The following ZNF121 variants were observed in gnomAD, a reference collection of about 807,000 sequenced individuals.
ZNF121 encodes the protein zinc finger protein 121, also known as zinc finger protein 121 (clone ZHC32).
Under a neutral mutation model 2.4 loss-of-function variants are expected in ZNF121, and 1 was observed. That is an observed-to-expected ratio of 0.41 (90% confidence interval 0.15 to 1.94). ZNF121 has a LOEUF of 1.94. ZNF121 is among the 30% of genes most tolerant of loss of function. ZNF121 has a pLI of 0.30. For synonymous variants in ZNF121, 173 were observed against 158.6 expected (o/e 1.09, Z -0.68); for missense variants, 369 against 466.3 (o/e 0.79, Z 1.92).
intron 1 of ZNF121, among the ~76,000 whole-genome samples, chr19:9,583,275 G>C (rs889409996): frequency 1.9e-5 from 2 of 106,000 alleles, no homozygotes; most frequent in Non-Finnish European, 3.5e-5. Context: ...GAAGCTCTGT[G>C]GGGGGGTACA....
chr19:9,566,948 G>A lies in ZNF121; in HGVS notation c.165C>T (p.Ala55=). The change falls in exon 4 of 4, where the codon GCC becomes GCT. Residue 55 remains alanine (A), a synonymous_variant. Coordinates refer to ENST00000320451, the MANE Select transcript of ZNF121 (RefSeq NM_001008727.5). Reference sequence around the variant, plus strand: ...ACACAGAAAGTGTCTCTCCAGCAGGGGCACTGTTGTGTAACATGGGAAAGT... The same window carrying A: ...ACACAGAAAGTGTCTCTCCAGCAGGAGCACTGTTGTGTAACATGGGAAAGT... The part of the protein sequence containing the change: ...GENFPMLHNS[A]PAGETLSVLN... 6.2e-7 allele frequency: 1 copy of A among 1,614,164 alleles called. No individual in the cohort carries two copies. The highest frequency in any genetic ancestry group is 1.1e-5 in the South Asian group (1 of 91,090).
At chr19:9,577,579 T>G (rs981348897) in intron 1 of ZNF121, among the ~76,000 whole-genome samples, 1 of 152,164 alleles carries the variant, frequency 6.6e-6, no homozygotes. Context: ...AGATATTCCA[T>G]GCTCATGGAT....
intron 3 of ZNF121, 118 bp from the exon 4 acceptor site, chr19:9,567,227 A>T: frequency 1.2e-6 from 1 of 829,610 alleles, no homozygotes; most frequent in Non-Finnish European, 1.8e-6. Context: ...CATTACATGC[A>T]TACAGTTGCT....
chr19:9,569,258 C>T (rs907588984), intron 1 of ZNF121, among the ~76,000 whole-genome samples, 176 bp from the exon 2 acceptor site: 1 of 152,016 alleles, frequency 6.6e-6, no homozygotes, highest in Admixed American at 6.6e-5. Context: ...TGACCAAATA[C>T]CCACTATTCA....
chr19:9,577,775 G>A (rs535500208), intron 1 of ZNF121, among the ~76,000 whole-genome samples: 15 of 152,216 alleles, frequency 9.9e-5, no homozygotes, highest in South Asian at 6.2e-4. Context: ...GTGGCCAGGT[G>A]CAGTGGCTCA....
rs1245940218 is a variant in ZNF121 at position 9,565,718 on chromosome 19, T to TAAAATAA, written c.*221_*222insTTATTTT. On this transcript the variant is annotated 3_prime_UTR_variant, in exon 4 of 4. Coordinates refer to ENST00000320451, the MANE Select transcript of ZNF121 (RefSeq NM_001008727.5). The stretch of plus-strand genomic sequence containing the variant: ...TAAAATAAAATAAAATAAAATAAAA[T>TAAAATAA]AATAAAAAAAGATTCCATTGGCTCC... The TAAAATAA allele has an allele frequency of 4.6e-6, 1 of 218,830 alleles. No homozygotes were observed. Among genetic ancestry groups the TAAAATAA allele is most frequent in the Admixed American group, 6.1e-5 (1 of 16,464 alleles). 13.6% of individuals were successfully genotyped at this position (218,830 alleles called of 1,614,324 possible).
Position 9,566,879 on chromosome 19 carries a change from G to C in ZNF121, c.234C>G (p.His78Gln), listed in dbSNP as rs561870368. Residue 78 changes from histidine to glutamine, a missense_variant, in exon 4 of 4, where the codon CAC becomes CAG. Around this residue, in one of 4 missense-constraint regions of ZNF121, gnomAD observed 168 missense variants for 162.3 expected, o/e 1.03. Transcript: ENST00000320451. ...ATTTGTCTCCTATCCACGTTCTCTG[G>C]TGAACATTTGGTGGCAGGCTGAAGG... is the stretch of plus-strand genomic sequence containing the variant. ...RKAFSLPPNV[H>Q]QRTWIGDKSF... 1.9e-6 allele frequency: 3 copies of C among 1,614,054 alleles called. No individual in the cohort carries two copies. Among genetic ancestry groups the C allele is most frequent in the Non-Finnish European group, 2.5e-6 (3 of 1,180,034 alleles).
rs1018038748 is a variant in ZNF121 at position 9,563,288 on chromosome 19, G to A, written c.*2652C>T. The A allele has an allele frequency of 3.4e-4, 52 of 152,168 alleles. 2 individuals are homozygous for A. The highest frequency in any genetic ancestry group is 2.6e-4 in the Non-Finnish European group (18 of 68,052). The allele number at this position is 152,168 out of a possible 1,614,324, so 9.4% of individuals were successfully genotyped here. A position where few individuals can be genotyped will look rare whatever the true frequency, so the allele number is the denominator to read the frequency against. On this transcript the variant is annotated 3_prime_UTR_variant, in exon 4 of 4. Coordinates refer to ENST00000320451, the MANE Select transcript of ZNF121 (RefSeq NM_001008727.5). ...TAAGCCAAAACCTAATCCAGAGCAA[G>A]GCCCTAACTCTAATTCTATGAAGGC... is the stretch of plus-strand genomic sequence containing the variant.
intron 1 of ZNF121, among the ~76,000 whole-genome samples, chr19:9,579,616 C>T (rs1599742852): frequency 6.6e-6 from 1 of 152,020 alleles, no homozygotes; most frequent in Non-Finnish European, 1.5e-5. Flanking sequence ...TACAGTGAGC[C>T]GAGATCATGC....
At position 9,561,594 on chromosome 19, in the gene ZNF121, A is replaced by G. The variant is rs191406181; in HGVS notation, c.*4346T>C. Reference sequence around the variant, plus strand: ...GTAGAAGAAACTATGGAATTAGAAAATCACTTTTTGGACTGGGTGTGGTGG... The same window carrying G: ...GTAGAAGAAACTATGGAATTAGAAAGTCACTTTTTGGACTGGGTGTGGTGG... On this transcript the variant is annotated 3_prime_UTR_variant, in exon 4 of 4. Coordinates refer to ENST00000320451, the MANE Select transcript of ZNF121 (RefSeq NM_001008727.5). 1.1e-4 allele frequency: 17 copies of G among 152,310 alleles called. No individual in the cohort carries two copies. The highest frequency in any genetic ancestry group is 1.1e-3 in the Admixed American group (17 of 15,296). 9.4% of individuals were successfully genotyped at this position (152,310 alleles called of 1,614,324 possible).
intron 1 of ZNF121, among the ~76,000 whole-genome samples, chr19:9,572,271 C>T (rs769142980): frequency 2.6e-5 from 4 of 152,126 alleles, no homozygotes; most frequent in African/African-American, 4.8e-5. Context: ...CCAAGGGAGA[C>T]GTTAAGAGAA....
Position 9,560,945 on chromosome 19 carries a change from T to C in ZNF121, c.*4995A>G, listed in dbSNP as rs977983949. 6.6e-6 allele frequency: 1 copy of C among 152,224 alleles called. No homozygotes were observed. The highest frequency in any genetic ancestry group is 1.5e-5 in the Non-Finnish European group (1 of 68,036). 9.4% of individuals were successfully genotyped at this position (152,224 alleles called of 1,614,324 possible). A position where few individuals can be genotyped will look rare whatever the true frequency, so the allele number is the denominator to read the frequency against. On this transcript the variant is annotated 3_prime_UTR_variant, in exon 4 of 4. Transcript: ENST00000320451. ...AAACTGAATTCTGGTTAGTTGATTT[T>C]TAAAAAGAGTGGTATGAGTTATCAA...
At position 9,564,369 on chromosome 19, in the gene ZNF121, C is replaced by G. The variant is rs2074116963; in HGVS notation, c.*1571G>C. 6.6e-6 allele frequency: 1 copy of G among 151,950 alleles called. No individual in the cohort carries two copies. Among genetic ancestry groups the G allele is most frequent in the African/African-American group, 2.4e-5 (1 of 41,350 alleles). The allele number at this position is 151,950 out of a possible 1,614,324, so 9.4% of individuals were successfully genotyped here. ...CTCCAGCATGAACAACACAGCGAGA[C>G]CTTGTCTCTAAAAAAAATTTTTTTA... On this transcript the variant is annotated 3_prime_UTR_variant, in exon 4 of 4. Coordinates refer to ENST00000320451, the MANE Select transcript of ZNF121 (RefSeq NM_001008727.5).
intron 1 of ZNF121, among the ~76,000 whole-genome samples, chr19:9,569,811 G>C (rs1260753892): frequency 6.7e-6 from 1 of 148,698 alleles, no homozygotes; most frequent in Non-Finnish European, 1.5e-5. Flanking sequence ...GGGATTGCAG[G>C]TGTGAGCCAC....
intron 1 of ZNF121, among the ~76,000 whole-genome samples, chr19:9,580,514 G>T (rs2074241502): frequency 6.6e-6 from 1 of 151,760 alleles, no homozygotes; most frequent in Admixed American, 6.6e-5. Context: ...CAGTATGGGG[G>T]TTTCTCAAAA....
At position 9,562,448 on chromosome 19, in the gene ZNF121, GC is replaced by G; in HGVS notation, c.*3491del. On this transcript the variant is annotated 3_prime_UTR_variant, in exon 4 of 4. Coordinates refer to ENST00000320451, the MANE Select transcript of ZNF121 (RefSeq NM_001008727.5). ...CAAGGTGCTGGGATTACAGGTGTGA[GC>G]CACCGTGCCCGGCTGCTCTGTGATC... 1 of 287,334 alleles carries G rather than the reference GC, an allele frequency of 3.5e-6. No homozygotes were observed. The highest frequency in any genetic ancestry group is 7.8e-6 in the Non-Finnish European group (1 of 127,974). 17.8% of individuals were successfully genotyped at this position (287,334 alleles called of 1,614,324 possible).
chr19:9,573,961 A>T (rs2074191711), intron 1 of ZNF121, among the ~76,000 whole-genome samples: 1 of 151,728 alleles, frequency 6.6e-6, no homozygotes, highest in Non-Finnish European at 1.5e-5. Context: ...ATACTCTCAC[A>T]TCAGCCTCCC....
intron 1 of ZNF121, among the ~76,000 whole-genome samples, chr19:9,579,131 C>A (rs960201931): frequency 6.6e-6 from 1 of 152,132 alleles, no homozygotes; most frequent in African/African-American, 2.4e-5. Flanking sequence ...CACATTACCA[C>A]AATGAGATGT....
At chr19:9,574,098 A>T (rs1283357027) in intron 1 of ZNF121, among the ~76,000 whole-genome samples, 1 of 151,688 alleles carries the variant, frequency 6.6e-6, no homozygotes, top group Non-Finnish European at 1.5e-5. Flanking sequence ...GCCGTAAAGA[A>T]ATAGCACTTG....
Sources: gnomAD v4.1 joint callset for allele counts (sites outside exome capture counted in the v4.1 genomes callset) on GRCh38, gnomAD v4.1.1 for gene constraint, gnomAD v4.1.1 regional missense constraint, MANE v1.5 for transcripts, NCBI Gene and HGNC (gene_info 2026-07-23, HGNC 2026-07-21) for gene names.